PRR12: variants seen among roughly 807,000 people sequenced by gnomAD.
The protein encoded by PRR12 is proline-rich protein 12.
A neutral mutation model predicts 138.0 loss-of-function variants in PRR12; 12 were observed. The observed-to-expected ratio is 0.09, with a 90% CI of 0.06 to 0.14. The LOEUF (loss-of-function observed/expected upper bound fraction) is 0.14. PRR12 is among the 10% of genes least tolerant of loss of function. The pLI is 1.00. For missense variants in PRR12, 2,692 were observed against 2,861.3 expected (o/e 0.94, Z 1.35); for synonymous variants, 1,567 against 1,291.7 (o/e 1.21, Z -4.57).
intron 2 of PRR12, among the ~76,000 whole-genome samples, chr19:49,593,864 T>C (rs999084748): frequency 6.6e-6 from 1 of 152,180 alleles, no homozygotes; most frequent in East Asian, 1.9e-4. Context: ...TTTTGCCCCA[T>C]TGCCTTATTC....
intron 6 of PRR12, among the ~76,000 whole-genome samples, chr19:49,606,251 G>A (rs919931449): frequency 3.3e-5 from 5 of 151,656 alleles, no homozygotes; most frequent in African/African-American, 9.7e-5. Flanking sequence ...CAGTCCTCCC[G>A]TCTCAGCCTC....
intron 9 of PRR12, among the ~76,000 whole-genome samples, chr19:49,619,532 G>A (rs2080910315): frequency 9.0e-6 from 1 of 110,848 alleles, no homozygotes; most frequent in Non-Finnish European, 1.8e-5. Flanking sequence ...ACCATGCCCA[G>A]CCCTTTTTTT....
chr19:49,600,777 C>G (rs1006269654), intron 5 of PRR12, among the ~76,000 whole-genome samples: 2 of 151,988 alleles, frequency 1.3e-5, no homozygotes, highest in African/African-American at 4.8e-5. Context: ...TCTTGGCTCA[C>G]TGCAACCTCT....
At chr19:49,624,820 A>C in intron 11 of PRR12, 24 bp from the exon 12 acceptor site, 1 of 1,607,980 alleles carries the variant, frequency 6.2e-7, no homozygotes, top group Non-Finnish European at 8.5e-7. Context: ...GGCAGCATCC[A>C]GCTGACCCAT....
intron 8 of PRR12, among the ~76,000 whole-genome samples, chr19:49,615,225 A>C (rs1176991078): frequency 2.7e-5 from 4 of 148,346 alleles, no homozygotes; most frequent in African/African-American, 1.0e-4. Flanking sequence ...ACAGAGACCC[A>C]GAGGTGGGGG....
chr19:49,593,403 C>G lies in PRR12; in HGVS notation c.163C>G (p.Pro55Ala), dbSNP rs780109833. ...CCGCCAGGCCTATGCGGCCCCCCAC[C>G]CACTGCAAAGCTATGCCACCAACCA... Reference protein sequence around the residue: ...LHRQAYAAPHPLQSYATNHHP... With the variant: ...LHRQAYAAPHALQSYATNHHP... The change falls in exon 2 of 14, where the codon CCA becomes GCA. Residue 55 changes from proline to alanine, a missense_variant. Pro to Ala is a conservative substitution (Grantham distance 27). Coordinates refer to ENST00000418929, the MANE Select transcript of PRR12 (RefSeq NM_020719.3). 6.2e-7 allele frequency: 1 copy of G among 1,611,342 alleles called. No homozygotes were observed.
chr19:49,616,047 A>G lies in PRR12; in HGVS notation c.5325A>G (p.Gln1775=), dbSNP rs11879761. 3.9e-3 allele frequency: 6,074 copies of G among 1,559,478 alleles called. 216 individuals carry two copies. In the African/African-American group the frequency reaches 0.071, roughly 18 times the overall value. The change falls in exon 9 of 14, where the codon CAA becomes CAG. Residue 1775 remains glutamine, a synonymous_variant. Coordinates refer to ENST00000418929, the MANE Select transcript of PRR12 (RefSeq NM_020719.3). This position sits in a 1 kb window ranked among gnomAD's most constrained non-coding sequence, Gnocchi z 4.2. The part of the protein sequence containing the change: ...TRPERSLATG[Q]PATSRLPKAR... ...CAGAGCGGAGTCTCGCCACGGGACA[A>G]CCTGCCACATCCCGGCTGCCCAAAG...
rs2080949072 is a variant in PRR12 at position 49,625,273 on chromosome 19, C to G, written c.5964+73C>G. ...GACTTCCTCTTGGGATCTGAGGGTC[C>G]AAGCCCAGCCCCATCCTGCCTCAGA... On this transcript the variant is annotated intron_variant, in intron 13 of 13. Coordinates refer to ENST00000418929, the MANE Select transcript of PRR12 (RefSeq NM_020719.3). The surrounding 1 kb of genome is among the most constrained non-coding windows in gnomAD (Gnocchi z 5.5). 1 of 1,532,248 alleles carries G rather than the reference C, an allele frequency of 6.5e-7. No homozygotes were observed. The highest frequency in any genetic ancestry group is 1.4e-5 in the African/African-American group (1 of 72,972). The allele number at this position is 1,532,248 out of a possible 1,614,324, so 94.9% of individuals were successfully genotyped here. A position where few individuals can be genotyped will look rare whatever the true frequency, so the allele number is the denominator to read the frequency against.
chr19:49,620,507 G>C (rs993352550), intron 10 of PRR12, 30 bp downstream of exon 10: 6 of 1,521,090 alleles, frequency 3.9e-6, no homozygotes, highest in Middle Eastern at 1.7e-4. Context: ...GGAGGGGGGG[G>C]GGCTGACTCG....
At chr19:49,607,279 G>A (rs376007973) in intron 6 of PRR12, among the ~76,000 whole-genome samples, 9 of 152,204 alleles carry the variant, frequency 5.9e-5, no homozygotes, top group East Asian at 5.8e-4. Context: ...ACTTGAGCCC[G>A]GATGTCGAGG....
chr19:49,596,207 G>A lies in PRR12; in HGVS notation c.1872G>A (p.Leu624=). 6.2e-7 allele frequency: 1 copy of A among 1,610,894 alleles called. No individual in the cohort carries two copies. Among genetic ancestry groups the A allele is most frequent in the Non-Finnish European group, 8.5e-7 (1 of 1,179,766 alleles). Residue 624 remains leucine, a synonymous_variant, in exon 4 of 14, where the codon CTG becomes CTA. Transcript: ENST00000418929. The surrounding 1 kb of genome is among the most constrained non-coding windows in gnomAD (Gnocchi z 5.6). ...GYKGKGDGSE[L]LAGPGGPPAE... Reference sequence around the variant, plus strand: ...AGGGCAAGGGGGATGGCTCGGAGCTGCTGGCGGGCCCAGGTGGGCCTCCTG... The same window carrying A: ...AGGGCAAGGGGGATGGCTCGGAGCTACTGGCGGGCCCAGGTGGGCCTCCTG...
At position 49,625,648 on chromosome 19, in the gene PRR12, C is replaced by G. The variant is rs75849027; in HGVS notation, c.*41C>G. 3 of 1,563,224 alleles carry G rather than the reference C, an allele frequency of 1.9e-6. No homozygotes were observed. The South Asian group carries it at 3.5e-5, about 18-fold the overall frequency. Reference sequence around the variant, plus strand: ...TGAGGGGGGCGCCTCCTCCATGAACCGAGAATTGGGACAGAACCGTGTCCT... The same window carrying G: ...TGAGGGGGGCGCCTCCTCCATGAACGGAGAATTGGGACAGAACCGTGTCCT... On this transcript the variant is annotated 3_prime_UTR_variant, in exon 14 of 14. Coordinates refer to ENST00000418929, the MANE Select transcript of PRR12 (RefSeq NM_020719.3). The surrounding 1 kb of genome is among the most constrained non-coding windows in gnomAD (Gnocchi z 5.5).
At chr19:49,603,076 G>A (rs1196982596) in intron 6 of PRR12, among the ~76,000 whole-genome samples, 1 of 152,244 alleles carries the variant, frequency 6.6e-6, no homozygotes, top group Non-Finnish European at 1.5e-5. Context: ...AGAGAGCTGG[G>A]TAGTTAGCTG....
At chr19:49,602,171 A>G (rs1033520244) in intron 6 of PRR12, among the ~76,000 whole-genome samples, 4 of 152,170 alleles carry the variant, frequency 2.6e-5, no homozygotes, top group Admixed American at 6.5e-5. Context: ...ATGTGTCTAT[A>G]TGTGCGTTAC....
Position 49,591,601 on chromosome 19 carries a change from CCCCTCCCTCCCT to C in PRR12, c.-42_-31del, listed in dbSNP as rs1206071124. On this transcript the variant is annotated 5_prime_UTR_variant, in exon 1 of 14. Transcript: ENST00000418929. ...GCGGCGGAGGAGAGCGCGCGCGCGCCCCCTCCCTCCCTCCCTCCCTCCCCCTCCCCCCAATTT... is the reference window on the plus strand; with the variant it reads ...GCGGCGGAGGAGAGCGCGCGCGCGCCCCCTCCCTCCCCCTCCCCCCAATTT... 9.4e-6 allele frequency: 4 copies of C among 423,582 alleles called. No individual in the cohort carries two copies. The highest frequency in any genetic ancestry group is 4.4e-5 in the East Asian group (1 of 22,688). 26.2% of individuals were successfully genotyped at this position (423,582 alleles called of 1,614,324 possible).
intron 2 of PRR12, among the ~76,000 whole-genome samples, chr19:49,593,850 C>A (rs1202943234): frequency 1.3e-5 from 2 of 152,098 alleles, no homozygotes; most frequent in African/African-American, 2.4e-5. Context: ...CCTGTTTTAT[C>A]TTATTTTGCC....
chr19:49,593,510 A>G, intron 2 of PRR12, 71 bp downstream of exon 2: 1 of 633,932 alleles, frequency 1.6e-6, no homozygotes, highest in South Asian at 1.6e-5. Context: ...TTGGCTGTTG[A>G]AAGTTCCGCC....
At position 49,614,401 on chromosome 19, in the gene PRR12, G is replaced by A; in HGVS notation, c.4774-132G>A. On this transcript the variant is annotated intron_variant, in intron 6 of 13. Transcript: ENST00000418929. This position sits in a 1 kb window ranked among gnomAD's most constrained non-coding sequence, Gnocchi z 5.0. ...AGCTGAACACATCATGGGGGTAGAAGATATTTGTTGTTGACGTGTCTGCCT... is the reference window on the plus strand; with the variant it reads ...AGCTGAACACATCATGGGGGTAGAAAATATTTGTTGTTGACGTGTCTGCCT... 1.6e-6 allele frequency: 1 copy of A among 624,512 alleles called. No homozygotes were observed. Among genetic ancestry groups the A allele is most frequent in the East Asian group, 2.8e-5 (1 of 35,568 alleles). 38.7% of individuals were successfully genotyped at this position (624,512 alleles called of 1,614,324 possible). A position where few individuals can be genotyped will look rare whatever the true frequency, so the allele number is the denominator to read the frequency against.
At position 49,591,441 on chromosome 19, in the gene PRR12, C is replaced by A. The variant is rs1301914011; in HGVS notation, c.-214C>A. Among the ~76,000 whole-genome samples, 19 of 147,254 alleles carry A rather than the reference C, an allele frequency of 1.3e-4. No homozygotes were observed. Among genetic ancestry groups the A allele is most frequent in the Non-Finnish European group, 1.5e-5 (1 of 65,960 alleles). ...TCCCCCTTCCTTGGCTCAGCGACTG[C>A]ACCCCCTCCCTTGCCCGCCCCTCCG... On this transcript the variant is annotated 5_prime_UTR_variant, in exon 1 of 14. Coordinates refer to ENST00000418929, the MANE Select transcript of PRR12 (RefSeq NM_020719.3).
Sources: allele counts gnomAD v4.1 joint callset (sites outside exome capture counted in the v4.1 genomes callset), GRCh38; gene constraint gnomAD v4.1.1; non-coding constraint Gnocchi (gnomAD v3.1); transcripts MANE v1.5; gene names NCBI Gene and HGNC (gene_info 2026-07-23, HGNC 2026-07-21).